AFF1: variants seen among roughly 807,000 people sequenced by gnomAD.
AFF1 encodes AF4/FMR2 family member 1.
AFF1 carries 48 observed loss-of-function variants against 121.7 expected under a neutral mutation model. The observed-to-expected ratio is 0.39, with a 90% CI of 0.31 to 0.50. The LOEUF is 0.50. AFF1 is among the 20% of genes least tolerant of loss of function. The pLI is 0.76. For missense variants in AFF1, 1,523 were observed against 1,511.7 expected (o/e 1.01, Z -0.12); for synonymous variants, 613 against 563.0 (o/e 1.09, Z -1.26).
chr4:86,985,170 A>ATAAT (rs56321529), intron 2 of AFF1, among the ~76,000 whole-genome samples: 1 of 96,178 alleles, frequency 1.0e-5, no homozygotes, highest in Non-Finnish European at 1.9e-5. Flanking sequence ...TAATATATAT[A>ATAAT]ATATGTATTA....
chr4:87,076,375 G>T (rs772261544), intron 4 of AFF1, among the ~76,000 whole-genome samples: 16 of 152,152 alleles, frequency 1.1e-4, no homozygotes, highest in Non-Finnish European at 2.2e-4. Context: ...CATGTGGCAG[G>T]CAGTTTGACG....
At chr4:87,019,700 T>G (rs1180152490) in intron 2 of AFF1, among the ~76,000 whole-genome samples, 1 of 152,238 alleles carries the variant, frequency 6.6e-6, no homozygotes, top group Non-Finnish European at 1.5e-5. Context: ...TATCTCACCT[T>G]ACACATCTCT....
chr4:87,032,502 CCTT>C (rs1317917722), intron 2 of AFF1, among the ~76,000 whole-genome samples: 5 of 152,322 alleles, frequency 3.3e-5, no homozygotes, highest in Middle Eastern at 6.8e-3. Flanking sequence ...ACTTATTCCT[CCTT>C]TTTTTGTTGT....
intron 18 of AFF1, 30 bp from the exon 19 acceptor site, chr4:87,132,241 G>A (rs112038287): frequency 5.6e-6 from 9 of 1,601,344 alleles, no homozygotes; most frequent in Middle Eastern, 1.7e-4. Context: ...TGATAGTCAC[G>A]TGCAGTTTCA....
chr4:87,135,322 G>C (rs1373121853), intron 20 of AFF1, among the ~76,000 whole-genome samples: 1 of 152,008 alleles, frequency 6.6e-6, no homozygotes, highest in East Asian at 1.9e-4. Context: ...CATCCTTTGA[G>C]GCAAAGGTAT....
At chr4:87,131,495 G>A (rs1728823480) in intron 17 of AFF1, among the ~76,000 whole-genome samples, 1 of 152,138 alleles carries the variant, frequency 6.6e-6, no homozygotes, top group African/African-American at 2.4e-5. Flanking sequence ...TTTATGAAGT[G>A]TCCTCTCCTC....
chr4:87,019,084 A>G (rs527344298), intron 2 of AFF1, among the ~76,000 whole-genome samples: 2 of 152,358 alleles, frequency 1.3e-5, no homozygotes, highest in South Asian at 2.1e-4. Context: ...ATCTCTGCCA[A>G]AAATAGATCT....
intron 4 of AFF1, among the ~76,000 whole-genome samples, chr4:87,060,309 T>G (rs769149042): frequency 6.6e-6 from 1 of 152,234 alleles, no homozygotes; most frequent in Non-Finnish European, 1.5e-5. Context: ...GTCTCATATA[T>G]AGGTGCTTTC....
chr4:87,047,261 T>G lies in AFF1; in HGVS notation c.726T>G (p.Asn242Lys). 6.2e-7 allele frequency: 1 copy of G among 1,614,028 alleles called. No homozygotes were observed. Among genetic ancestry groups the G allele is most frequent in the Non-Finnish European group, 8.5e-7 (1 of 1,180,014 alleles). Residue 242 changes from asparagine (N) to lysine (K), a missense_variant, in exon 4 of 21, where the codon AAT becomes AAG. Physicochemically the swap from Asn to Lys is moderately conservative, Grantham distance 94 (BLOSUM62 0). Coordinates refer to ENST00000395146, the MANE Select transcript of AFF1 (RefSeq NM_001166693.3). Reference sequence around the variant, plus strand: ...GCAGCAAGGTTCATGGCAGCAGCAATAACAGTAAAGGCTATTGCCCAGCCA... The same window carrying G: ...GCAGCAAGGTTCATGGCAGCAGCAAGAACAGTAAAGGCTATTGCCCAGCCA... ...QGSSKVHGSSNNSKGYCPAKS... is the reference protein window; with the variant it reads ...QGSSKVHGSSKNSKGYCPAKS...
chr4:87,007,802 G>A (rs541242793), intron 2 of AFF1, among the ~76,000 whole-genome samples: 3 of 152,222 alleles, frequency 2.0e-5, no homozygotes, highest in South Asian at 4.1e-4. Context: ...TTGTCTCGAG[G>A]GGAAGTTTAG....
chr4:87,021,810 TA>T (rs754290583), intron 2 of AFF1, among the ~76,000 whole-genome samples: 3 of 152,316 alleles, frequency 2.0e-5, no homozygotes, highest in East Asian at 1.9e-4. Context: ...AGTCAACACA[TA>T]GGGGAAAAAG....
intron 2 of AFF1, among the ~76,000 whole-genome samples, chr4:87,025,502 CT>C (rs1158532703): frequency 1.3e-5 from 2 of 152,174 alleles, no homozygotes; most frequent in African/African-American, 4.8e-5. Flanking sequence ...ATTGTGGTGG[CT>C]GCTATCCCAG....
At chr4:87,085,111 T>C (rs751887965) in intron 5 of AFF1, among the ~76,000 whole-genome samples, 2 of 152,260 alleles carry the variant, frequency 1.3e-5, no homozygotes, top group African/African-American at 4.8e-5. Flanking sequence ...TCCACAAATA[T>C]GTCATTGAAT....
chr4:87,095,074 T>G, intron 8 of AFF1, 105 bp downstream of exon 8: 1 of 1,076,764 alleles, frequency 9.3e-7, no homozygotes, highest in East Asian at 2.5e-5. Context: ...ATGACATTAA[T>G]AAGACTGCTG....
At chr4:86,979,971 C>T (rs373586618) in intron 2 of AFF1, among the ~76,000 whole-genome samples, 3 of 152,156 alleles carry the variant, frequency 2.0e-5, no homozygotes, top group East Asian at 3.9e-4. Flanking sequence ...AGTGCAGTGA[C>T]GTGGCCTCAG....
At chr4:86,961,616 A>C (rs1348156242) in intron 2 of AFF1, among the ~76,000 whole-genome samples, 3 of 151,820 alleles carry the variant, frequency 2.0e-5, no homozygotes, top group Non-Finnish European at 4.4e-5. Flanking sequence ...AATAGGGGTC[A>C]CTACTGAGTC....
chr4:87,057,687 T>C (rs1720293024), intron 4 of AFF1, among the ~76,000 whole-genome samples: 1 of 152,172 alleles, frequency 6.6e-6, no homozygotes. Context: ...AAATGTACTT[T>C]AGAAATGAAG....
intron 19 of AFF1, among the ~76,000 whole-genome samples, chr4:87,134,075 A>G (rs549016335): frequency 6.6e-6 from 1 of 152,250 alleles, no homozygotes; most frequent in Non-Finnish European, 1.5e-5. Flanking sequence ...GGAAGCTGTG[A>G]TATATCCAGG....
intron 8 of AFF1, among the ~76,000 whole-genome samples, chr4:87,099,368 A>G (rs1307826218): frequency 6.6e-6 from 1 of 152,216 alleles, no homozygotes; most frequent in Non-Finnish European, 1.5e-5. Flanking sequence ...TCACCATCAT[A>G]GAACATTTAT....
Sources: allele counts gnomAD v4.1 joint callset (sites outside exome capture counted in the v4.1 genomes callset), GRCh38; gene constraint gnomAD v4.1.1; transcripts MANE v1.5; gene names NCBI Gene and HGNC (gene_info 2026-07-23, HGNC 2026-07-21).